PPM1A: variants seen among roughly 807,000 people sequenced by gnomAD.
PPM1A encodes the protein protein phosphatase, Mg2+/Mn2+ dependent 1A, also known as protein phosphatase 1A.
PPM1A carries 7 observed loss-of-function variants against 35.0 expected under a neutral mutation model. The ratio of observed to expected loss-of-function variants is 0.20; its 90% CI spans 0.11 to 0.38. The LOEUF (loss-of-function observed/expected upper bound fraction) is 0.38, where lower values mean the gene tolerates loss of function less well. Among genes scored for constraint, PPM1A ranks in the 10% least tolerant of loss-of-function variants. The pLI, the probability that PPM1A is intolerant of heterozygous loss-of-function variation, is 1.00. For synonymous variants in PPM1A, 153 were observed against 167.3 expected, an observed-to-expected ratio of 0.91 and a Z score of 0.66; for missense variants, 239 against 467.8, an observed-to-expected ratio of 0.51 and a Z score of 4.51.
At position 60,283,999 on chromosome 14, in the gene PPM1A, A is replaced by G. The variant is rs17097280; in HGVS notation, c.834+462A>G. On this transcript the variant is annotated intron_variant, in intron 2 of 5. Coordinates refer to ENST00000395076, the MANE Select transcript of PPM1A (RefSeq NM_021003.5). The surrounding 1 kb of genome is among the most constrained non-coding windows in gnomAD (Gnocchi z 6.3). The stretch of plus-strand genomic sequence containing the variant: ...AGGAATGTAGTGATCATTAGACGTG[A>G]TGTAATAGAAATAGCCTTGTACATG... Among the ~76,000 whole-genome samples, 1,944 of 152,340 alleles carry G rather than the reference A, an allele frequency of 0.013. 47 individuals are homozygous for G. Among genetic ancestry groups the G allele is most frequent in the African/African-American group, 0.045 (1,853 of 41,574 alleles).
At position 60,255,183 on chromosome 14, in the gene PPM1A, T is replaced by G. The variant is rs530377119; in HGVS notation, c.-21+5506T>G. On this transcript the variant is annotated intron_variant, in intron 1 of 5. Coordinates refer to ENST00000395076, the MANE Select transcript of PPM1A (RefSeq NM_021003.5). ...TGTTTTTTTTTTTTTTGTTTTGTTT[T>G]GTTTTTGAGACAGAGTCTCGCTCTG... Among the ~76,000 whole-genome samples the G allele has an allele frequency of 7.2e-3, 643 of 89,016 alleles. 50 individuals are homozygous for G. Among genetic ancestry groups the G allele is most frequent in the African/African-American group, 0.037 (615 of 16,834 alleles). 58.4% of individuals were successfully genotyped at this position (89,016 alleles called of 152,430 possible).
intron 1 of PPM1A, chr14:60,256,716 G>A (rs1173013431): frequency 6.6e-6 from 1 of 152,190 alleles, no homozygotes; most frequent in Non-Finnish European, 1.5e-5. Flanking sequence ...GCTAGATACT[G>A]TTACTACCTA....
In PPM1A at chr14:60,249,741, G is replaced by C; in HGVS notation, c.-21+64G>C. On this transcript the variant is annotated intron_variant, in intron 1 of 5. Transcript: ENST00000395076. This position sits in a 1 kb window ranked among gnomAD's most constrained non-coding sequence, Gnocchi z 4.5. Reference sequence around the variant, plus strand: ...GGTGCGGGCCTGCGCGGCGGCGGCGGCGGGCAGGCCTGGGGCCTGTAAACA... The same window carrying C: ...GGTGCGGGCCTGCGCGGCGGCGGCGCCGGGCAGGCCTGGGGCCTGTAAACA... 1 of 952,726 alleles carries C rather than the reference G, an allele frequency of 1.0e-6. No homozygotes were observed. The highest frequency in any genetic ancestry group is 1.2e-6 in the Non-Finnish European group (1 of 800,778). 59.0% of individuals were successfully genotyped at this position (952,726 alleles called of 1,614,324 possible). A position where few individuals can be genotyped will look rare whatever the true frequency, so the allele number is the denominator to read the frequency against.
intron 1 of PPM1A, among the ~76,000 whole-genome samples, chr14:60,274,335 C>T (rs1330937714): frequency 6.6e-6 from 1 of 151,956 alleles, no homozygotes; most frequent in Non-Finnish European, 1.5e-5. Flanking sequence ...GGCCAGACAG[C>T]CTTTTGGAGC....
At chr14:60,267,126 A>G (rs1243995185) in intron 1 of PPM1A, 1 of 152,096 alleles carries the variant, frequency 6.6e-6, no homozygotes, top group Non-Finnish European at 1.5e-5. Context: ...TTAACTGCAA[A>G]TAGTTGATCT....
Position 60,283,838 on chromosome 14 carries a change from T to A in PPM1A, c.834+301T>A, listed in dbSNP as rs576895605. 2.0e-5 allele frequency among the ~76,000 whole-genome samples: 3 copies of A among 152,284 alleles called. No individual in the cohort carries two copies. The highest frequency in any genetic ancestry group is 4.1e-4 in the South Asian group (2 of 4,826). On this transcript the variant is annotated intron_variant, in intron 2 of 5. Transcript: ENST00000395076. This position sits in a 1 kb window ranked among gnomAD's most constrained non-coding sequence, Gnocchi z 6.3. ...AGTGCATGTTTTGAAAGAAAGAGGGTGGGGAGGGTTAGGCCTCAGTGTCTA... is the reference window on the plus strand; with the variant it reads ...AGTGCATGTTTTGAAAGAAAGAGGGAGGGGAGGGTTAGGCCTCAGTGTCTA...
intron 1 of PPM1A, among the ~76,000 whole-genome samples, chr14:60,258,831 A>T (rs1883429469): frequency 1.3e-5 from 2 of 152,138 alleles, no homozygotes; most frequent in Non-Finnish European, 2.9e-5. Context: ...TTAAATATGA[A>T]CAAAAAAGAC....
At position 60,249,774 on chromosome 14, in the gene PPM1A, C is replaced by G. The variant is rs1419689167; in HGVS notation, c.-21+97C>G. On this transcript the variant is annotated intron_variant, in intron 1 of 5. Transcript: ENST00000395076. This position sits in a 1 kb window ranked among gnomAD's most constrained non-coding sequence, Gnocchi z 4.5. ...GCCTGGGGCCTGTAAACAAGCCGGG[C>G]GTCTGCCCGGGCGCTCCCGGGAGGA... is the stretch of plus-strand genomic sequence containing the variant. 1 of 802,138 alleles carries G rather than the reference C, an allele frequency of 1.2e-6. No homozygotes were observed. The highest frequency in any genetic ancestry group is 6.3e-5 in the Admixed American group (1 of 15,892). The allele number at this position is 802,138 out of a possible 1,614,324, so 49.7% of individuals were successfully genotyped here. A position where few individuals can be genotyped will look rare whatever the true frequency, so the allele number is the denominator to read the frequency against.
chr14:60,287,468 A>C, intron 3 of PPM1A: 1 of 985,162 alleles, frequency 1.0e-6, no homozygotes, highest in Non-Finnish European at 1.2e-6. Context: ...AAAACATAGA[A>C]TGTAACTGTT....
chr14:60,285,760 A>T lies in PPM1A; in HGVS notation c.952+19A>T, dbSNP rs1886943293. The T allele has an allele frequency of 2.5e-6, 4 of 1,601,382 alleles. No homozygotes were observed. Among genetic ancestry groups the T allele is most frequent in the South Asian group, 1.1e-5 (1 of 87,740 alleles). On this transcript the variant is annotated intron_variant, in intron 3 of 5. Transcript: ENST00000395076. ...GTAGAAGGTGGATCATTTAACAAAA[A>T]ATAAGTAGCTTTATTAAAGAAAAAT...
rs1041322717 is a variant in PPM1A at position 60,295,096 on chromosome 14, G to A, written c.*2614G>A. 1 of 151,580 alleles carries A rather than the reference G, an allele frequency of 6.6e-6. No individual in the cohort carries two copies. Among genetic ancestry groups the A allele is most frequent in the Non-Finnish European group, 1.5e-5 (1 of 67,704 alleles). The allele number at this position is 151,580 out of a possible 1,614,324, so 9.4% of individuals were successfully genotyped here. ...GCAATGCCTCAAAAATGTTTGATGT[G>A]TTCTGTTCTTTGGAGGGAAAAAGTT... is the stretch of plus-strand genomic sequence containing the variant. On this transcript the variant is annotated 3_prime_UTR_variant, in exon 6 of 6. Transcript: ENST00000395076.
intron 1 of PPM1A, among the ~76,000 whole-genome samples, chr14:60,271,606 C>G (rs1885123024): frequency 6.6e-6 from 1 of 152,090 alleles, no homozygotes; most frequent in South Asian, 2.1e-4. Context: ...GCTAGGGACT[C>G]GAGAATGCAT....
intron 1 of PPM1A, among the ~76,000 whole-genome samples, chr14:60,262,116 G>T (rs1001297225): frequency 6.6e-6 from 1 of 152,142 alleles, no homozygotes; most frequent in Non-Finnish European, 1.5e-5. Flanking sequence ...TAGATAAAAT[G>T]TGTTATCTGA....
At chr14:60,246,348 T>C (rs966322382), upstream of PPM1A, among the ~76,000 whole-genome samples, 3 of 152,184 alleles carry the variant, frequency 2.0e-5, no homozygotes, top group Admixed American at 2.0e-4. Context: ...CTACAGCCCC[T>C]GTCCTCACCC....
At chr14:60,284,696 T>TATGTGTGTGTGTATATATATATATAC (rs1886782569) in intron 2 of PPM1A, among the ~76,000 whole-genome samples, 1 of 119,120 alleles carries the variant, frequency 8.4e-6, no homozygotes. Context: ...TATATATATA[T>TATGTGTGTGTGTATATATATATATAC]ATGTGTGTGT....
intron 1 of PPM1A, among the ~76,000 whole-genome samples, chr14:60,270,533 G>A (rs1884957235): frequency 6.6e-6 from 1 of 152,054 alleles, no homozygotes; most frequent in South Asian, 2.1e-4. Flanking sequence ...GCTACTCCTT[G>A]CCTGTTCTGT....
At chr14:60,249,045 G>A (rs573765394), upstream of PPM1A, among the ~76,000 whole-genome samples, 1 of 152,176 alleles carries the variant, frequency 6.6e-6, no homozygotes, top group South Asian at 2.1e-4. The surrounding 1 kb of genome is among the most constrained non-coding windows in gnomAD (Gnocchi z 4.5). Flanking sequence ...CGTCATCTGT[G>A]GCGGCCCCTC....
chr14:60,288,046 A>G (rs1297752703), intron 3 of PPM1A: 20 of 980,234 alleles, frequency 2.0e-5, no homozygotes, highest in Non-Finnish European at 2.4e-5. Flanking sequence ...AAATTAAAGG[A>G]ATATTTCTTA....
In PPM1A at chr14:60,249,921, G is replaced by A. The variant is rs1464448883; in HGVS notation, c.-21+244G>A. Among the ~76,000 whole-genome samples the A allele has an allele frequency of 6.6e-6, 1 of 151,340 alleles. No individual in the cohort carries two copies. Among genetic ancestry groups the A allele is most frequent in the Non-Finnish European group, 1.5e-5 (1 of 67,648 alleles). The stretch of plus-strand genomic sequence containing the variant: ...GGGGCGGGGTGTTAGTTGCGGTGGC[G>A]CGGGGAGGGGGCGCGACCCTCTGGC... On this transcript the variant is annotated intron_variant, in intron 1 of 5. Transcript: ENST00000395076. This position sits in a 1 kb window ranked among gnomAD's most constrained non-coding sequence, Gnocchi z 4.5.
Sources: allele counts gnomAD v4.1 joint callset (sites outside exome capture counted in the v4.1 genomes callset), GRCh38; gene constraint gnomAD v4.1.1; non-coding constraint Gnocchi (gnomAD v3.1); transcripts MANE v1.5; gene names NCBI Gene and HGNC (gene_info 2026-07-23, HGNC 2026-07-21).